Variants in BRD1 observed in about 807,000 individuals in gnomAD.
BRD1 encodes the protein bromodomain containing 1, also known as bromodomain-containing protein 1.
Under a neutral mutation model 107.7 loss-of-function variants are expected in BRD1, and 24 were observed. The observed-to-expected ratio is 0.22, with a 90% CI of 0.16 to 0.31. BRD1 has a LOEUF of 0.31. Ranked by LOEUF, BRD1 falls within the 10% of genes least tolerant of loss-of-function variation. The pLI is 1.00. For synonymous variants in BRD1, 744 were observed against 686.1 expected (o/e 1.08, Z -1.32); for missense variants, 1,279 against 1,638.6 (o/e 0.78, Z 3.79).
In BRD1 at chr22:49,794,016, G is replaced by T. The variant is rs1261777327; in HGVS notation, c.2359+18C>A. ...GCCGTGACGGCAAGAAAGCGGGGCA[G>T]CCCTCACCGTGGCTTACCTTCCTCG... On this transcript the variant is annotated intron_variant, in intron 7 of 12. Coordinates refer to ENST00000404760, the MANE Select transcript of BRD1 (RefSeq NM_001304808.3). 3 of 1,604,304 alleles carry T rather than the reference G, an allele frequency of 1.9e-6. No homozygotes were observed. The highest frequency in any genetic ancestry group is 2.6e-6 in the Non-Finnish European group (3 of 1,175,528).
At chr22:49,791,207 C>T (rs1018394952) in intron 7 of BRD1, among the ~76,000 whole-genome samples, 1 of 152,266 alleles carries the variant, frequency 6.6e-6, no homozygotes, top group African/African-American at 2.4e-5. Context: ...AGGGCCAGCT[C>T]ACAGCAACAG....
At chr22:49,815,313 C>A (rs1385713793) in intron 2 of BRD1, among the ~76,000 whole-genome samples, 1 of 152,092 alleles carries the variant, frequency 6.6e-6, no homozygotes, top group Admixed American at 6.5e-5. Context: ...CTAAGGCAGG[C>A]GGATTACCTT....
chr22:49,801,165 G>A (rs1251467328), intron 3 of BRD1, among the ~76,000 whole-genome samples: 1 of 152,234 alleles, frequency 6.6e-6, no homozygotes, highest in Admixed American at 6.5e-5. Flanking sequence ...GGACAGGAAG[G>A]GTGGGCCACG....
intron 2 of BRD1, among the ~76,000 whole-genome samples, chr22:49,814,159 G>C (rs936794442): frequency 2.0e-5 from 3 of 152,176 alleles, no homozygotes; most frequent in Non-Finnish European, 4.4e-5. Context: ...GAAAGAACAG[G>C]GGGCTCTCTC....
intron 2 of BRD1, chr22:49,806,517 G>C (rs1257908134): frequency 6.6e-6 from 1 of 152,172 alleles, no homozygotes; most frequent in African/African-American, 2.4e-5. Flanking sequence ...CACTCAACTC[G>C]GACAGAAGAG....
intron 7 of BRD1, among the ~76,000 whole-genome samples, chr22:49,793,685 T>A (rs926389514): frequency 5.9e-5 from 9 of 152,226 alleles, no homozygotes; most frequent in African/African-American, 2.2e-4. Context: ...CTCACTCTCA[T>A]CATTCAGGCT....
chr22:49,798,957 T>C (rs1297361979), intron 4 of BRD1, 31 bp downstream of exon 4: 17 of 1,577,096 alleles, frequency 1.1e-5, no homozygotes, highest in Non-Finnish European at 1.5e-5. Flanking sequence ...TGGCCAGTGG[T>C]GCACTCCACG....
intron 2 of BRD1, among the ~76,000 whole-genome samples, chr22:49,810,183 G>A (rs1369142289): frequency 1.3e-5 from 2 of 152,168 alleles, no homozygotes; most frequent in African/African-American, 2.4e-5. Context: ...AGCCCCACAT[G>A]CTTCTAGACT....
intron 3 of BRD1, among the ~76,000 whole-genome samples, chr22:49,801,243 C>G (rs2059634974): frequency 6.6e-6 from 1 of 152,244 alleles, no homozygotes; most frequent in South Asian, 2.1e-4. Flanking sequence ...TAAAGCTAAG[C>G]TGCCGCCCCC....
At position 49,783,382 on chromosome 22, in the gene BRD1, C is replaced by T. The variant is rs2059253524; in HGVS notation, c.2857+4008G>A. On this transcript the variant is annotated intron_variant, in intron 8 of 12. Transcript: ENST00000404760. The surrounding 1 kb of genome is among the most constrained non-coding windows in gnomAD (Gnocchi z 4.2). ...GGAGAAGGAAATCAGGTAGAAAACCCAGAAATACAGAAGATGCTAGCGAGT... is the reference window on the plus strand; with the variant it reads ...GGAGAAGGAAATCAGGTAGAAAACCTAGAAATACAGAAGATGCTAGCGAGT... Among the ~76,000 whole-genome samples, 1 of 152,226 alleles carries T rather than the reference C, an allele frequency of 6.6e-6. No individual in the cohort carries two copies. Among genetic ancestry groups the T allele is most frequent in the South Asian group, 2.1e-4 (1 of 4,834 alleles).
chr22:49,795,748 AGCGTGATG>A (rs1168646641), intron 6 of BRD1, among the ~76,000 whole-genome samples: 1 of 152,212 alleles, frequency 6.6e-6, no homozygotes, highest in Non-Finnish European at 1.5e-5. Flanking sequence ...TCCAAGCCAG[AGCGTGATG>A]GCTGTGGGAG....
intron 1 of BRD1, chr22:49,826,359 G>C: frequency 1.4e-6 from 1 of 736,388 alleles, no homozygotes; most frequent in Non-Finnish European, 1.7e-6. Context: ...GGGAAAGTAG[G>C]CCCTCAGCAG....
At position 49,794,251 on chromosome 22, in the gene BRD1, C is replaced by T; in HGVS notation, c.2142G>A (p.Leu714=). The change falls in exon 7 of 13, where the codon CTG becomes CTA. Residue 714 remains leucine, a synonymous_variant. Transcript: ENST00000404760. ...LDPANRAHLG[L]EEQLRELLDM... is the part of the protein sequence containing the mutation. The stretch of plus-strand genomic sequence containing the variant: ...CCAGCAGCTCTCTCAGCTGCTCCTC[C>T]AGGCCCAGGTGGGCTCTGTTGGCGG... 6.2e-7 allele frequency: 1 copy of T among 1,613,780 alleles called. No homozygotes were observed. Among genetic ancestry groups the T allele is most frequent in the Non-Finnish European group, 8.5e-7 (1 of 1,179,790 alleles).
At chr22:49,813,753 C>A (rs1320443589) in intron 2 of BRD1, among the ~76,000 whole-genome samples, 1 of 151,580 alleles carries the variant, frequency 6.6e-6, no homozygotes, top group Non-Finnish European at 1.5e-5. Flanking sequence ...CGCTTGAGCC[C>A]AGGAGGCGGA....
chr22:49,793,942 C>G lies in BRD1; in HGVS notation c.2359+92G>C, dbSNP rs546973442. 589 of 1,507,328 alleles carry G rather than the reference C, an allele frequency of 3.9e-4. 7 individuals carry two copies. In the South Asian group the frequency reaches 6.0e-3, roughly 15 times the overall value. The allele number at this position is 1,507,328 out of a possible 1,614,324, so 93.4% of individuals were successfully genotyped here. ...TAACCTGAGCCTCCGTGCACACCAA[C>G]GCTGCTGCCCGTGTCTGGGTCTGTG... On this transcript the variant is annotated intron_variant, in intron 7 of 12. Coordinates refer to ENST00000404760, the MANE Select transcript of BRD1 (RefSeq NM_001304808.3).
At chr22:49,777,288 C>T (rs909881396) in intron 9 of BRD1, 127 bp from the exon 10 acceptor site, 41 of 1,451,130 alleles carry the variant, frequency 2.8e-5, no homozygotes, top group African/African-American at 8.3e-5. Context: ...CGCGGCCAGA[C>T]GGGCCTGTGG....
chr22:49,826,055 G>C (rs1367556637), intron 1 of BRD1: 2 of 527,536 alleles, frequency 3.8e-6, no homozygotes, highest in East Asian at 3.0e-4. Context: ...CCCTGCAGAG[G>C]TGACACCACA....
chr22:49,822,869 C>A, intron 2 of BRD1, 82 bp downstream of exon 2: 2 of 1,486,150 alleles, frequency 1.3e-6, no homozygotes, highest in Non-Finnish European at 9.1e-7. Flanking sequence ...CCACACAGCA[C>A]GGGCCCTGCA....
At chr22:49,776,292 C>T (rs539602627) in intron 10 of BRD1, 133 bp from the exon 11 acceptor site, 13 of 736,816 alleles carry the variant, frequency 1.8e-5, no homozygotes, top group African/African-American at 1.7e-4. Context: ...TCAGCCACCC[C>T]GGCAGCACCA....
Sources: gnomAD v4.1 joint callset for allele counts (sites outside exome capture counted in the v4.1 genomes callset) on GRCh38, gnomAD v4.1.1 for gene constraint, Gnocchi (gnomAD v3.1) non-coding constraint, MANE v1.5 for transcripts, NCBI Gene and HGNC (gene_info 2026-07-23, HGNC 2026-07-21) for gene names.